USP32: variants seen among roughly 807,000 people sequenced by gnomAD.
USP32 encodes the protein ubiquitin carboxyl-terminal hydrolase 32.
USP32 carries 59 observed loss-of-function variants against 204.8 expected under a neutral mutation model. The observed-to-expected ratio is 0.29, with a 90% CI of 0.23 to 0.36. The LOEUF (loss-of-function observed/expected upper bound fraction) is 0.36. Among genes scored for constraint, USP32 ranks in the 10% least tolerant of loss-of-function variants. The pLI is 1.00. For synonymous variants in USP32, 517 were observed against 678.4 expected, an observed-to-expected ratio of 0.76 and a Z score of 3.70; for missense variants, 1,160 against 1,946.4, an observed-to-expected ratio of 0.60 and a Z score of 7.60.
chr17:60,268,228 A>C (rs2086642459), intron 7 of USP32, among the ~76,000 whole-genome samples: 1 of 152,108 alleles, frequency 6.6e-6, no homozygotes, highest in African/African-American at 2.4e-5. Flanking sequence ...GTTCATCAGC[A>C]AAAAAAGAAA....
upstream of USP32, chr17:60,392,725 T>A (rs2089863856): frequency 7.3e-6 from 3 of 408,500 alleles, no homozygotes; most frequent in South Asian, 5.1e-5. Flanking sequence ...AAGGCTTTCC[T>A]GTGACAAAAG....
At chr17:60,219,064 GT>G (rs1438552941) in intron 16 of USP32, among the ~76,000 whole-genome samples, 2 of 152,110 alleles carry the variant, frequency 1.3e-5, no homozygotes, top group Non-Finnish European at 2.9e-5. Context: ...TAGGCTTGAT[GT>G]TTTTTCAAAG....
At chr17:60,251,149 C>A (rs1290454674) in intron 11 of USP32, among the ~76,000 whole-genome samples, 1 of 151,818 alleles carries the variant, frequency 6.6e-6, no homozygotes, top group Non-Finnish European at 1.5e-5. Context: ...CACCATGTTG[C>A]CCAGGCTGGT....
intron 5 of USP32, among the ~76,000 whole-genome samples, chr17:60,280,780 G>A (rs972039533): frequency 6.6e-6 from 1 of 152,126 alleles, no homozygotes; most frequent in Non-Finnish European, 1.5e-5. Context: ...AATATTATTT[G>A]AGTAGAAGAG....
At chr17:60,201,982 A>G (rs929125073) in intron 26 of USP32, among the ~76,000 whole-genome samples, 2 of 152,124 alleles carry the variant, frequency 1.3e-5, no homozygotes, top group African/African-American at 4.8e-5. Context: ...ATGAAGTCCA[A>G]TTTAATCTTT....
At chr17:60,201,667 T>TC (rs1332131053) in intron 26 of USP32, among the ~76,000 whole-genome samples, 2 of 151,562 alleles carry the variant, frequency 1.3e-5, no homozygotes, top group African/African-American at 4.8e-5. Context: ...ATCATTTTTT[T>TC]TTTTTTTTTG....
chr17:60,188,964 G>A (rs1176272841), intron 29 of USP32, among the ~76,000 whole-genome samples: 1 of 152,202 alleles, frequency 6.6e-6, no homozygotes, highest in Non-Finnish European at 1.5e-5. Context: ...AGATTTAACA[G>A]GTCACGTAGG....
rs2089848084 is a variant in USP32, at chr17:60,392,040, G to A, written c.-101C>T. ...CCTGGGTGACGGTGACGGTGTCGGC[G>A]TCCCCCGCCCCCACCTCCCCCCACA... On this transcript the variant is annotated 5_prime_UTR_variant, in exon 1 of 34. In the 5' UTR this introduces an upstream ATG that the reference lacks. Coordinates refer to ENST00000300896, the MANE Select transcript of USP32 (RefSeq NM_032582.4). The A allele has an allele frequency of 2.9e-6, 4 of 1,389,124 alleles. No individual in the cohort carries two copies. In the African/African-American group the frequency reaches 4.6e-5, roughly 16 times the overall value. The allele number at this position is 1,389,124 out of a possible 1,614,324, so 86.0% of individuals were successfully genotyped here.
intron 25 of USP32, 24 bp from the exon 26 acceptor site, chr17:60,205,682 G>A (rs1266923711): frequency 7.4e-6 from 12 of 1,612,390 alleles, no homozygotes; most frequent in African/African-American, 1.3e-5. Flanking sequence ...GATAAGTACA[G>A]TATCATAAGC....
At chr17:60,256,635 T>G in intron 9 of USP32, 1 of 995,034 alleles carries the variant, frequency 1.0e-6, no homozygotes, top group Non-Finnish European at 1.2e-6. Flanking sequence ...ACATACACGT[T>G]AGGTTAACAG....
intron 10 of USP32, among the ~76,000 whole-genome samples, chr17:60,253,431 A>G (rs1049880413): frequency 1.3e-5 from 2 of 152,038 alleles, no homozygotes; most frequent in Non-Finnish European, 1.5e-5. Context: ...AAAAAAGCCT[A>G]CAGAACCTAC....
upstream of USP32, among the ~76,000 whole-genome samples, chr17:60,396,224 T>C (rs962473586): frequency 3.9e-5 from 6 of 151,930 alleles, no homozygotes; most frequent in African/African-American, 1.5e-4. Flanking sequence ...ACTACAGGCA[T>C]GCGCCACCAC....
At chr17:60,422,177 C>T (rs767532796) in intron 1 of USP32, 2 of 277,596 alleles carry the variant, frequency 7.2e-6, no homozygotes, top group African/African-American at 2.3e-5. Flanking sequence ...TCTCGGGGAG[C>T]CCCCACCACG....
chr17:60,196,781 C>T (rs536453430), intron 27 of USP32, among the ~76,000 whole-genome samples: 1 of 151,872 alleles, frequency 6.6e-6, no homozygotes, highest in South Asian at 2.1e-4. Context: ...GCCGAGATTG[C>T]ACCACTGCAC....
intron 2 of USP32, among the ~76,000 whole-genome samples, chr17:60,305,433 T>C (rs2087699818): frequency 6.6e-6 from 1 of 152,184 alleles, no homozygotes; most frequent in Admixed American, 6.5e-5. Flanking sequence ...CTCGTGGGGA[T>C]CTGCCCCCAT....
chr17:60,223,236 G>A (rs1004507764), intron 14 of USP32, among the ~76,000 whole-genome samples, 175 bp downstream of exon 14: 6 of 152,118 alleles, frequency 3.9e-5, no homozygotes, highest in Non-Finnish European at 8.8e-5. Context: ...CTACTTCTAT[G>A]TAAGTTCTAA....
Position 60,349,599 on chromosome 17 carries a change from ATATATATATATATATAT to A in USP32, c.59-4008_59-3992del, listed in dbSNP as rs1567867163. ...AAAAGAAAAAAAAAAAAAAAAAAATATATATATATATATATATATATATATTATATATATATATATAT... is the reference window on the plus strand; with the variant it reads ...AAAAGAAAAAAAAAAAAAAAAAAATAATATATATTATATATATATATATAT... On this transcript the variant is annotated intron_variant, in intron 1 of 33. Transcript: ENST00000300896. Among the ~76,000 whole-genome samples the A allele has an allele frequency of 1.3e-3, 55 of 42,758 alleles. 1 individual carries two copies. Among genetic ancestry groups the A allele is most frequent in the Non-Finnish European group, 1.6e-3 (44 of 27,110 alleles). 28.1% of individuals were successfully genotyped at this position (42,758 alleles called of 152,430 possible). A position where few individuals can be genotyped will look rare whatever the true frequency, so the allele number is the denominator to read the frequency against.
At chr17:60,232,347 AT>A (rs1244711358) in intron 12 of USP32, among the ~76,000 whole-genome samples, 1 of 150,238 alleles carries the variant, frequency 6.7e-6, no homozygotes, top group African/African-American at 2.4e-5. Flanking sequence ...TAATTTTTAT[AT>A]TTTTAGTAGA....
In USP32 at chr17:60,294,925, A is replaced by G. The variant is rs2087388795; in HGVS notation, c.293-124T>C. 1.0e-5 allele frequency: 6 copies of G among 575,464 alleles called. 1 individual carries two copies. In the South Asian group the frequency reaches 1.2e-4, roughly 12 times the overall value. 35.6% of individuals were successfully genotyped at this position (575,464 alleles called of 1,614,324 possible). ...TACTAGGGCCAAGCACCTTATAAAT[A>G]TAGTTTATTCCTTAAAATAATCCAG... On this transcript the variant is annotated intron_variant, in intron 3 of 33. Transcript: ENST00000300896.
Sources: gnomAD v4.1 joint callset for allele counts (sites outside exome capture counted in the v4.1 genomes callset) on GRCh38, gnomAD v4.1.1 for gene constraint, MANE v1.5 for transcripts, NCBI Gene and HGNC (gene_info 2026-07-23, HGNC 2026-07-21) for gene names.